The following CCNT1 variants were observed in gnomAD, a reference collection of about 807,000 sequenced individuals.
CCNT1 encodes the protein cyclin-T1.
In CCNT1, 18 loss-of-function variants were observed where a neutral mutation model predicts 67.3. The ratio of observed to expected loss-of-function variants is 0.27; its 90% CI spans 0.18 to 0.40. The LOEUF is 0.40. Ranked by LOEUF, CCNT1 falls within the 10% of genes least tolerant of loss-of-function variation. CCNT1 has a pLI of 1.00. For synonymous variants in CCNT1, 333 were observed against 310.3 expected (o/e 1.07, Z -0.77); for missense variants, 744 against 884.9 (o/e 0.84, Z 2.02).
At chr12:48,707,126 A>C (rs1298997080) in intron 2 of CCNT1, among the ~76,000 whole-genome samples, 4 of 152,220 alleles carry the variant, frequency 2.6e-5, no homozygotes, top group Admixed American at 2.6e-4. Flanking sequence ...GAAGCATACT[A>C]CATATATATT....
chr12:48,695,634 T>C (rs1355480870), intron 8 of CCNT1, 125 bp downstream of exon 8: 1 of 650,590 alleles, frequency 1.5e-6, no homozygotes, highest in Admixed American at 2.7e-5. Flanking sequence ...GTAGAAGTCA[T>C]GATTACTGTG....
intron 2 of CCNT1, among the ~76,000 whole-genome samples, chr12:48,711,449 A>G (rs965985554): frequency 6.6e-6 from 1 of 152,110 alleles, no homozygotes; most frequent in African/African-American, 2.4e-5. Context: ...TAACCTATAC[A>G]TGAAGAGTGG....
chr12:48,692,753 T>C lies in CCNT1; in HGVS notation c.*280A>G. On this transcript the variant is annotated 3_prime_UTR_variant, in exon 9 of 9. Transcript: ENST00000261900. ...AGATATCAACTCCAATCAACCTAAT[T>C]AGATGGTGGAGAGGCCAAGAATTCA... 1 of 298,150 alleles carries C rather than the reference T, an allele frequency of 3.4e-6. No homozygotes were observed. The highest frequency in any genetic ancestry group is 8.6e-5 in the South Asian group (1 of 11,642). The allele number at this position is 298,150 out of a possible 1,614,324, so 18.5% of individuals were successfully genotyped here. A position where few individuals can be genotyped will look rare whatever the true frequency, so the allele number is the denominator to read the frequency against.
chr12:48,713,274 G>T (rs187462222), intron 2 of CCNT1, among the ~76,000 whole-genome samples: 66 of 148,508 alleles, frequency 4.4e-4, no homozygotes, highest in Middle Eastern at 3.4e-3. Context: ...GGCTCAATCA[G>T]TCCTCCCACC....
chr12:48,701,382 C>A (rs11168692), intron 3 of CCNT1, among the ~76,000 whole-genome samples: 33,659 of 151,348 alleles, frequency 0.22, 4,745 homozygotes, highest in Non-Finnish European at 0.33. Flanking sequence ...CGCAACACCA[C>A]GCCCGGCTAA....
At position 48,693,908 on chromosome 12, in the gene CCNT1, T is replaced by C. The variant is rs1454229637; in HGVS notation, c.1306A>G (p.Ile436Val). Residue 436 changes from isoleucine to valine, a missense_variant, in exon 9 of 9, where the codon ATT becomes GTT. Ile to Val is a conservative substitution (Grantham distance 29). Around this residue, in one of 3 missense-constraint regions of CCNT1, gnomAD observed 564 missense variants for 574.2 expected, o/e 0.98. Transcript: ENST00000261900. ...GAACCCTCTATGGGCATTTTTAGAA[T>C]GACTGAAGAATGGCTATCATGATGA... ...LSHHDSHSSV[I>V]LKMPIEGSEN... is the part of the protein sequence containing the mutation. 3 of 1,614,170 alleles carry C rather than the reference T, an allele frequency of 1.9e-6. No homozygotes were observed. Among genetic ancestry groups the C allele is most frequent in the Middle Eastern group, 1.6e-4 (1 of 6,062 alleles).
intron 3 of CCNT1, among the ~76,000 whole-genome samples, chr12:48,704,412 C>A (rs1236194648): frequency 6.6e-6 from 1 of 152,158 alleles, no homozygotes; most frequent in Admixed American, 6.6e-5. Context: ...TGGTGAACTG[C>A]CCATGCAAGG....
intron 1 of CCNT1, 128 bp from the exon 2 acceptor site, chr12:48,714,652 T>C (rs1940506541): frequency 3.3e-6 from 2 of 604,730 alleles, no homozygotes; most frequent in African/African-American, 3.7e-5. Flanking sequence ...CATACTTATC[T>C]CTCCAAATCA....
At position 48,714,591 on chromosome 12, in the gene CCNT1, C is replaced by T. The variant is rs539207095; in HGVS notation, c.162-67G>A. On this transcript the variant is annotated intron_variant, in intron 1 of 8. Transcript: ENST00000261900. ...TTCTGGAAAAGATAACCTCTATCTC[C>T]CTCCCAAAAGGATGAAATGGCCAAG... 25 of 938,480 alleles carry T rather than the reference C, an allele frequency of 2.7e-5. No individual in the cohort carries two copies. The South Asian group carries it at 3.1e-4, about 12-fold the overall frequency. 58.1% of individuals were successfully genotyped at this position (938,480 alleles called of 1,614,324 possible). A position where few individuals can be genotyped will look rare whatever the true frequency, so the allele number is the denominator to read the frequency against.
intron 3 of CCNT1, among the ~76,000 whole-genome samples, chr12:48,702,754 T>G (rs951271788): frequency 1.3e-5 from 2 of 151,458 alleles, no homozygotes; most frequent in African/African-American, 4.9e-5. Context: ...GAGGTGGAGG[T>G]TGCAGTGAGC....
intron 1 of CCNT1, among the ~76,000 whole-genome samples, chr12:48,715,071 C>T (rs1255707440): frequency 6.6e-6 from 1 of 152,218 alleles, no homozygotes; most frequent in African/African-American, 2.4e-5. Flanking sequence ...CCTTGGCCTC[C>T]GAAAGTGCTG....
rs1006798717 is a variant in CCNT1 at position 48,716,253 on chromosome 12, G to A, written c.161+262C>T. 5.9e-5 allele frequency among the ~76,000 whole-genome samples: 9 copies of A among 152,314 alleles called. No homozygotes were observed. The South Asian group carries it at 1.5e-3, about 25-fold the overall frequency. On this transcript the variant is annotated intron_variant, in intron 1 of 8. Transcript: ENST00000261900. Reference sequence around the variant, plus strand: ...AACACAATGAAGACAGAGTTGGAAGGGCTGGTTAAAACACAAAGCCGGGAA... The same window carrying A: ...AACACAATGAAGACAGAGTTGGAAGAGCTGGTTAAAACACAAAGCCGGGAA...
At chr12:48,700,840 C>T (rs567594463) in intron 4 of CCNT1, among the ~76,000 whole-genome samples, 173 bp downstream of exon 4, 1 of 152,340 alleles carries the variant, frequency 6.6e-6, no homozygotes, top group East Asian at 1.9e-4. Flanking sequence ...TACCTGCATT[C>T]ACTCTATGGA....
intron 8 of CCNT1, 31 bp downstream of exon 8, chr12:48,695,728 T>G: frequency 1.3e-6 from 2 of 1,498,112 alleles, no homozygotes; most frequent in Non-Finnish European, 1.9e-6. Flanking sequence ...AAATTGATTT[T>G]GTTCCACAAG....
At chr12:48,706,979 G>A (rs1940370452) in intron 2 of CCNT1, among the ~76,000 whole-genome samples, 1 of 152,080 alleles carries the variant, frequency 6.6e-6, no homozygotes, top group Admixed American at 6.6e-5. Flanking sequence ...CAGAGGCGGG[G>A]GATCACTTGA....
chr12:48,698,880 C>T (rs976012719), intron 5 of CCNT1, among the ~76,000 whole-genome samples: 8 of 151,662 alleles, frequency 5.3e-5, no homozygotes, highest in Non-Finnish European at 7.4e-5. Context: ...CGCTTGAACC[C>T]GGGAGGCGGA....
Position 48,705,830 on chromosome 12 carries a change from C to G in CCNT1, c.310G>C (p.Val104Leu). The G allele has an allele frequency of 6.2e-7, 1 of 1,613,732 alleles. No homozygotes were observed. The highest frequency in any genetic ancestry group is 1.3e-5 in the African/African-American group (1 of 75,000). ...VEEQPKKLEH[V>L]IKVAHTCLHP... Reference sequence around the variant, plus strand: ...AGACAAGTATGTGCTACCTTGATGACATGTTCCAATTTTTTGGGCTGCTCC... The same window carrying G: ...AGACAAGTATGTGCTACCTTGATGAGATGTTCCAATTTTTTGGGCTGCTCC... Residue 104 changes from valine to leucine, a missense_variant, in exon 3 of 9, where the codon GTC becomes CTC. Coordinates refer to ENST00000261900, the MANE Select transcript of CCNT1 (RefSeq NM_001240.4).
In CCNT1 at chr12:48,692,885, T is replaced by C. The variant is rs1387609032; in HGVS notation, c.*148A>G. The C allele has an allele frequency of 4.9e-6, 3 of 612,982 alleles. No individual in the cohort carries two copies. Among genetic ancestry groups the C allele is most frequent in the Admixed American group, 3.0e-5 (1 of 33,896 alleles). 38.0% of individuals were successfully genotyped at this position (612,982 alleles called of 1,614,324 possible). ...CAGCAGATATATAGCCAAGGCCTTC[T>C]ACCACCCTCCTAACTATGTCTCAAT... On this transcript the variant is annotated 3_prime_UTR_variant, in exon 9 of 9. Coordinates refer to ENST00000261900, the MANE Select transcript of CCNT1 (RefSeq NM_001240.4).
At position 48,707,801 on chromosome 12, in the gene CCNT1, G is replaced by A. The variant is rs1026973259; in HGVS notation, c.244-1905C>T. Among the ~76,000 whole-genome samples, 5 of 152,334 alleles carry A rather than the reference G, an allele frequency of 3.3e-5. No homozygotes were observed. The South Asian group carries it at 1.0e-3, about 32-fold the overall frequency. On this transcript the variant is annotated intron_variant, in intron 2 of 8. Transcript: ENST00000261900. ...AGGCTGGGTGTTGTGGCTCACGCCT[G>A]TAATCCCAGCACTTTGGGAGGCCGA...
Sources: gnomAD v4.1 joint callset for allele counts (sites outside exome capture counted in the v4.1 genomes callset) on GRCh38, gnomAD v4.1.1 for gene constraint, gnomAD v4.1.1 regional missense constraint, MANE v1.5 for transcripts, NCBI Gene and HGNC (gene_info 2026-07-23, HGNC 2026-07-21) for gene names.